Variants in BAALC observed in about 807,000 individuals in gnomAD.
BAALC encodes BAALC binder of MAP3K1 and KLF4, also known as brain and acute leukemia cytoplasmic protein.
A neutral mutation model predicts 15.5 loss-of-function variants in BAALC; 9 were observed. The observed-to-expected ratio is 0.58, with a 90% CI of 0.35 to 1.02. BAALC has a LOEUF of 1.02. BAALC is among the 50% of genes least tolerant of loss of function. The probability of loss-of-function intolerance (pLI) is 0.02; values close to 1 mark genes in which losing one functional copy is unlikely to be tolerated. For missense variants in BAALC, 201 were observed against 192.4 expected (o/e 1.04, Z -0.27); for synonymous variants, 80 against 74.6 (o/e 1.07, Z -0.37).
At chr8:103,199,839 G>T (rs940557618) in intron 1 of BAALC, among the ~76,000 whole-genome samples, 1 of 151,966 alleles carries the variant, frequency 6.6e-6, no homozygotes, top group African/African-American at 2.4e-5. Context: ...GCCTCAGTGT[G>T]TGTTGTTTCC....
intron 1 of BAALC, among the ~76,000 whole-genome samples, chr8:103,199,469 T>C (rs868833007): frequency 6.6e-6 from 1 of 152,168 alleles, no homozygotes; most frequent in Non-Finnish European, 1.5e-5. Flanking sequence ...AAGTGTTTTA[T>C]ATTCCCCTCT....
At chr8:103,166,707 A>G (rs964435329) in intron 1 of BAALC, among the ~76,000 whole-genome samples, 1 of 152,220 alleles carries the variant, frequency 6.6e-6, no homozygotes, top group African/African-American at 2.4e-5. Context: ...TTCAAACCCA[A>G]TGAACACATT....
chr8:103,186,610 C>T (rs888916920), intron 1 of BAALC, among the ~76,000 whole-genome samples: 1 of 152,186 alleles, frequency 6.6e-6, no homozygotes, highest in African/African-American at 2.4e-5. Context: ...GCTAATCTTC[C>T]TGCTACCCCA....
At chr8:103,152,357 T>G (rs1447316226) in intron 1 of BAALC, among the ~76,000 whole-genome samples, 1 of 152,134 alleles carries the variant, frequency 6.6e-6, no homozygotes, top group African/African-American at 2.4e-5. Flanking sequence ...TCACACTTGC[T>G]GCAATGTGCT....
intron 1 of BAALC, among the ~76,000 whole-genome samples, chr8:103,179,988 G>A (rs1485415471): frequency 1.3e-5 from 2 of 152,200 alleles, no homozygotes; most frequent in Admixed American, 6.5e-5. Context: ...GGCGCAGAGG[G>A]AATGTGAGGC....
chr8:103,226,048 A>T (rs1404087910), intron 2 of BAALC, among the ~76,000 whole-genome samples: 19 of 152,194 alleles, frequency 1.2e-4, no homozygotes, highest in Admixed American at 1.2e-3. Context: ...TGTTTGAAAA[A>T]TGTGCATCTC....
intron 1 of BAALC, among the ~76,000 whole-genome samples, chr8:103,185,835 C>T (rs1255821135): frequency 1.3e-5 from 2 of 152,208 alleles, no homozygotes; most frequent in African/African-American, 4.8e-5. Flanking sequence ...GGACTTTGAA[C>T]TTGAAATATA....
chr8:103,194,243 A>G (rs1812041143), intron 1 of BAALC, among the ~76,000 whole-genome samples: 1 of 152,204 alleles, frequency 6.6e-6, no homozygotes, highest in African/African-American at 2.4e-5. Context: ...CTTGCTTTCC[A>G]CTGGCTAATT....
In BAALC at chr8:103,141,028, G is replaced by C; in HGVS notation, c.131G>C (p.Ser44Thr). ...DAPPSAAAPD[S>T]GPEAGGLHSG... ...CCGCCCAGCGCCGCCGCCCCGGACAGCGGCCCCGAAGCGGGCGGCCTGCAC... is the reference window on the plus strand; with the variant it reads ...CCGCCCAGCGCCGCCGCCCCGGACACCGGCCCCGAAGCGGGCGGCCTGCAC... Residue 44 changes from serine (S) to threonine (T), a missense_variant, in exon 1 of 3, where the codon AGC becomes ACC. Physicochemically the swap from Ser to Thr is moderately conservative, Grantham distance 58. Transcript: ENST00000309982. The C allele has an allele frequency of 3.3e-6, 5 of 1,515,382 alleles. No individual in the cohort carries two copies. Among genetic ancestry groups the C allele is most frequent in the Non-Finnish European group, 4.4e-6 (5 of 1,131,960 alleles). The allele number at this position is 1,515,382 out of a possible 1,614,324, so 93.9% of individuals were successfully genotyped here.
Position 103,196,078 on chromosome 8 carries a change from G to A in BAALC, c.161-16841G>A, listed in dbSNP as rs755859835. On this transcript the variant is annotated intron_variant, in intron 1 of 2. Coordinates refer to ENST00000309982, the MANE Select transcript of BAALC (RefSeq NM_024812.3). ...AGAGTAGAAGGAACAGTGTTATAAA[G>A]ACTGTGAGGTGCCTTCAATGTCCTA... 5.4e-4 allele frequency among the ~76,000 whole-genome samples: 82 copies of A among 152,170 alleles called. 1 individual carries two copies. The highest frequency in any genetic ancestry group is 1.0e-3 in the Non-Finnish European group (68 of 68,040).
intron 2 of BAALC, among the ~76,000 whole-genome samples, chr8:103,226,461 C>A (rs1310413533): frequency 1.3e-5 from 2 of 152,158 alleles, no homozygotes; most frequent in African/African-American, 2.4e-5. Context: ...CTCCCTGCAG[C>A]GAGGCAGCAG....
intron 1 of BAALC, among the ~76,000 whole-genome samples, chr8:103,187,813 G>A (rs1345715179): frequency 6.6e-6 from 1 of 152,010 alleles, no homozygotes; most frequent in Non-Finnish European, 1.5e-5. Flanking sequence ...ATATGCTTCT[G>A]GCACCCACCA....
chr8:103,176,430 A>G (rs536832990), intron 1 of BAALC, among the ~76,000 whole-genome samples: 1 of 152,234 alleles, frequency 6.6e-6, no homozygotes, highest in East Asian at 1.9e-4. Context: ...AAGAAGAAGG[A>G]AAGGACATAG....
At chr8:103,144,871 T>G (rs1457236632) in intron 1 of BAALC, among the ~76,000 whole-genome samples, 1 of 152,238 alleles carries the variant, frequency 6.6e-6, no homozygotes, top group East Asian at 1.9e-4. Context: ...AATGACTTAC[T>G]GGGGCCTGGT....
At chr8:103,148,898 T>C (rs1392162607) in intron 1 of BAALC, among the ~76,000 whole-genome samples, 1 of 152,258 alleles carries the variant, frequency 6.6e-6, no homozygotes, top group East Asian at 1.9e-4. Context: ...GCTGTTTAGA[T>C]TCAAATAGCA....
At position 103,228,854 on chromosome 8, in the gene BAALC, C is replaced by T. The variant is rs1009970931; in HGVS notation, c.*755C>T. On this transcript the variant is annotated 3_prime_UTR_variant, in exon 3 of 3. Coordinates refer to ENST00000309982, the MANE Select transcript of BAALC (RefSeq NM_024812.3). ...GCCAATGCATCCAAATAAGGATACCCCTCAGGGCTCAGCTAGACATTGCAA... is the reference window on the plus strand; with the variant it reads ...GCCAATGCATCCAAATAAGGATACCTCTCAGGGCTCAGCTAGACATTGCAA... The T allele has an allele frequency of 2.8e-4, 42 of 152,226 alleles. No individual in the cohort carries two copies. Among genetic ancestry groups the T allele is most frequent in the African/African-American group, 9.7e-4 (40 of 41,442 alleles). 9.4% of individuals were successfully genotyped at this position (152,226 alleles called of 1,614,324 possible). A position where few individuals can be genotyped will look rare whatever the true frequency, so the allele number is the denominator to read the frequency against.
chr8:103,152,559 G>A (rs889751846), intron 1 of BAALC, among the ~76,000 whole-genome samples: 2 of 152,204 alleles, frequency 1.3e-5, no homozygotes, highest in African/African-American at 4.8e-5. Flanking sequence ...AAGAGGTCAA[G>A]GATCTGATGG....
intron 1 of BAALC, among the ~76,000 whole-genome samples, chr8:103,205,343 G>T (rs560608430): frequency 6.6e-6 from 1 of 152,226 alleles, no homozygotes; most frequent in East Asian, 1.9e-4. Context: ...CTATCTTTTG[G>T]CAAGGTTCAG....
chr8:103,206,606 G>T (rs1812338245), intron 1 of BAALC, among the ~76,000 whole-genome samples: 1 of 152,130 alleles, frequency 6.6e-6, no homozygotes, highest in South Asian at 2.1e-4. Context: ...CGTCTCCTGG[G>T]ACACAGACCA....
Sources: gnomAD v4.1 joint callset for allele counts (sites outside exome capture counted in the v4.1 genomes callset) on GRCh38, gnomAD v4.1.1 for gene constraint, MANE v1.5 for transcripts, NCBI Gene and HGNC (gene_info 2026-07-23, HGNC 2026-07-21) for gene names.